Variants in NT5C2 observed in about 807,000 individuals in gnomAD.
NT5C2 encodes 5'-nucleotidase, cytosolic II.
NT5C2 carries 58 observed loss-of-function variants against 76.1 expected under a neutral mutation model. The ratio of observed to expected loss-of-function variants is 0.76; its 90% confidence interval spans 0.62 to 0.95. The LOEUF (loss-of-function observed/expected upper bound fraction) is 0.95, where lower values mean the gene tolerates loss of function less well. NT5C2 is among the 40% of genes least tolerant of loss of function. The probability of loss-of-function intolerance (pLI) is 0.00; values close to 1 mark genes in which losing one functional copy is unlikely to be tolerated. For synonymous variants in NT5C2, 229 were observed against 237.4 expected (o/e 0.96, Z 0.32); for missense variants, 478 against 690.3 (o/e 0.69, Z 3.45).
At chr10:103,095,905 T>C (rs756714691) in intron 12 of NT5C2, 34 bp downstream of exon 12, 13 of 1,569,538 alleles carry the variant, frequency 8.3e-6, no homozygotes, top group South Asian at 1.1e-5. Flanking sequence ...TTCATTGTTA[T>C]TAAAGCAGTG....
intron 10 of NT5C2, 192 bp downstream of exon 10, chr10:103,098,739 C>A: frequency 1.9e-6 from 1 of 527,434 alleles, no homozygotes; most frequent in Non-Finnish European, 3.4e-6. Flanking sequence ...GTCTTCTTGC[C>A]TATCAAGAAA....
At chr10:103,183,917 T>C (rs1276317078) in intron 1 of NT5C2, among the ~76,000 whole-genome samples, 1 of 152,030 alleles carries the variant, frequency 6.6e-6, no homozygotes, top group Non-Finnish European at 1.5e-5. Context: ...TTACCTCTCA[T>C]CTTTTAAATA....
At chr10:103,157,589 TTAAGG>T (rs2083703145) in intron 3 of NT5C2, among the ~76,000 whole-genome samples, 1 of 152,092 alleles carries the variant, frequency 6.6e-6, no homozygotes, top group Non-Finnish European at 1.5e-5. Flanking sequence ...GCTACACAAA[TTAAGG>T]TAAAGACATC....
At chr10:103,114,652 AT>A (rs1163242697) in intron 4 of NT5C2, among the ~76,000 whole-genome samples, 1 of 152,222 alleles carries the variant, frequency 6.6e-6, no homozygotes, top group African/African-American at 2.4e-5. Flanking sequence ...TACTTAATGA[AT>A]TGGAAATCTA....
At chr10:103,136,927 A>T in intron 4 of NT5C2, among the ~76,000 whole-genome samples, 1 of 152,098 alleles carries the variant, frequency 6.6e-6, no homozygotes, top group Admixed American at 6.6e-5. Context: ...CAGGCCAATT[A>T]AGTGACCTTT....
At chr10:103,185,706 G>A (rs7077097) in intron 1 of NT5C2, among the ~76,000 whole-genome samples, 61,442 of 149,972 alleles carry the variant, frequency 0.41, 12,706 homozygotes, top group East Asian at 0.53. Context: ...TTTATTTCAG[G>A]AAAGAACTCA....
At chr10:103,148,800 G>C (rs757095070) in intron 3 of NT5C2, among the ~76,000 whole-genome samples, 3 of 151,914 alleles carry the variant, frequency 2.0e-5, no homozygotes, top group Non-Finnish European at 4.4e-5. Flanking sequence ...GACATACATG[G>C]AACAAAATTT....
chr10:103,143,349 C>T (rs2133300397), intron 3 of NT5C2, among the ~76,000 whole-genome samples: 1 of 152,270 alleles, frequency 6.6e-6, no homozygotes, highest in East Asian at 1.9e-4. Context: ...AAAGCCTCCA[C>T]TGGGATACAG....
At chr10:103,126,442 T>C (rs1006267806) in intron 4 of NT5C2, among the ~76,000 whole-genome samples, 1 of 152,056 alleles carries the variant, frequency 6.6e-6, no homozygotes, top group African/African-American at 2.4e-5. Flanking sequence ...GTCAATATGG[T>C]GAAACCCTAT....
intron 3 of NT5C2, among the ~76,000 whole-genome samples, chr10:103,150,600 C>CT (rs2082230590): frequency 6.6e-6 from 1 of 152,198 alleles, no homozygotes; most frequent in Non-Finnish European, 1.5e-5. Flanking sequence ...TGCCAAAACT[C>CT]TTTTCTCTTT....
chr10:103,177,059 G>A (rs1408647692), intron 2 of NT5C2, among the ~76,000 whole-genome samples: 1 of 151,564 alleles, frequency 6.6e-6, no homozygotes, highest in African/African-American at 2.4e-5. Flanking sequence ...ATTTGAAAAG[G>A]AAAAAATGTC....
chr10:103,120,146 A>G (rs1425716204), intron 4 of NT5C2, among the ~76,000 whole-genome samples: 1 of 152,066 alleles, frequency 6.6e-6, no homozygotes, highest in African/African-American at 2.4e-5. Flanking sequence ...AAAATGGATC[A>G]AAGACCTAAA....
chr10:103,146,296 A>G, intron 3 of NT5C2: 1 of 985,466 alleles, frequency 1.0e-6, no homozygotes, highest in African/African-American at 1.7e-5. Flanking sequence ...TTCTTTGGCA[A>G]TGGTGAACTT....
At chr10:103,097,192 A>G (rs2068415202) in intron 11 of NT5C2, 99 bp downstream of exon 11, 2 of 905,820 alleles carry the variant, frequency 2.2e-6, no homozygotes, top group Non-Finnish European at 3.3e-6. Flanking sequence ...GCAAGAAACT[A>G]TTTTCACTTA....
chr10:103,174,826 G>C, intron 3 of NT5C2, 32 bp downstream of exon 3: 2 of 1,363,804 alleles, frequency 1.5e-6, no homozygotes, highest in South Asian at 1.2e-5. Context: ...TTCATAGAGG[G>C]GTTTTGAGGA....
Position 103,089,327 on chromosome 10 carries a change from T to C in NT5C2, c.*345A>G, listed in dbSNP as rs2066115353. On this transcript the variant is annotated 3_prime_UTR_variant, in exon 19 of 19. Transcript: ENST00000404739. ...CACCTCTTCCCACTCTTTGTTCCAC[T>C]CTGAGACTCTTTCCTTTTCCTCGTG... 4.0e-6 allele frequency: 1 copy of C among 252,192 alleles called. No individual in the cohort carries two copies. The allele number at this position is 252,192 out of a possible 1,614,324, so 15.6% of individuals were successfully genotyped here.
In NT5C2 at chr10:103,093,161, T is replaced by G; in HGVS notation, c.1137A>C (p.Leu379=). 1 of 1,608,196 alleles carries G rather than the reference T, an allele frequency of 6.2e-7. No homozygotes were observed. Among genetic ancestry groups the G allele is most frequent in the Non-Finnish European group, 8.5e-7 (1 of 1,177,690 alleles). Residue 379 remains leucine, a synonymous_variant, in exon 15 of 19, where the codon CTA becomes CTC. Transcript: ENST00000404739. The part of the protein sequence containing the change: ...FLVIPELAQE[L]HVWTDKSSLF... ...TACAACTCTTGTCAGTCCAGACATG[T>G]AGCTCCTGTGCGAGTTCAGGAATCA...
At chr10:103,137,188 TAG>T (rs2079453792) in intron 4 of NT5C2, among the ~76,000 whole-genome samples, 2 of 151,774 alleles carry the variant, frequency 1.3e-5, no homozygotes, top group African/African-American at 4.8e-5. Context: ...TTCCTTTCCC[TAG>T]AGAGCTAGAA....
chr10:103,185,478 C>G (rs2091893693), intron 1 of NT5C2, among the ~76,000 whole-genome samples: 1 of 151,796 alleles, frequency 6.6e-6, no homozygotes, highest in Non-Finnish European at 1.5e-5. Context: ...AAACCCCCAT[C>G]TCTATAAAAA....
Sources: gnomAD v4.1 joint callset for allele counts (sites outside exome capture counted in the v4.1 genomes callset) on GRCh38, gnomAD v4.1.1 for gene constraint, MANE v1.5 for transcripts, NCBI Gene and HGNC (gene_info 2026-07-23, HGNC 2026-07-21) for gene names.